The following PCDH9 variants were observed in gnomAD, a reference collection of about 807,000 sequenced individuals.
The protein encoded by PCDH9 is protocadherin-9.
PCDH9 carries 24 observed loss-of-function variants against 70.6 expected under a neutral mutation model. The observed-to-expected ratio is 0.34, with a 90% CI of 0.25 to 0.48. PCDH9 has a LOEUF of 0.48. Among genes scored for constraint, PCDH9 ranks in the 20% least tolerant of loss-of-function variants. The pLI is 0.99. For synonymous variants in PCDH9, 562 were observed against 558.5 expected, an observed-to-expected ratio of 1.01 and a Z score of -0.09; for missense variants, 1,281 against 1,503.6, an observed-to-expected ratio of 0.85 and a Z score of 2.45.
chr13:67,004,376 G>A (rs1051485726), intron 2 of PCDH9, among the ~76,000 whole-genome samples: 1 of 151,798 alleles, frequency 6.6e-6, no homozygotes, highest in African/African-American at 2.4e-5. Flanking sequence ...TTCGAGACCA[G>A]CCTGGCCAAC....
chr13:67,176,215 T>A (rs1233876667), intron 2 of PCDH9, among the ~76,000 whole-genome samples: 1 of 152,128 alleles, frequency 6.6e-6, no homozygotes, highest in African/African-American at 2.4e-5. Flanking sequence ...TTAAGATAGA[T>A]GAACTCAAAA....
At chr13:67,065,890 G>T (rs997173984) in intron 2 of PCDH9, among the ~76,000 whole-genome samples, 2 of 151,808 alleles carry the variant, frequency 1.3e-5, no homozygotes, top group Non-Finnish European at 2.9e-5. Flanking sequence ...CAATCACGGT[G>T]GGAAAGAAAA....
intron 2 of PCDH9, among the ~76,000 whole-genome samples, chr13:67,132,023 T>G (rs534384819): frequency 1.4e-4 from 21 of 152,280 alleles, no homozygotes; most frequent in Non-Finnish European, 2.8e-4. Flanking sequence ...GAATTTCTGC[T>G]GTTGTTATCA....
chr13:66,561,067 A>G (rs1056966997), intron 4 of PCDH9, among the ~76,000 whole-genome samples: 2 of 152,160 alleles, frequency 1.3e-5, no homozygotes, highest in African/African-American at 4.8e-5. Flanking sequence ...ATGTGGAGGG[A>G]GAAGCGCGGG....
chr13:66,795,574 A>G (rs2080228552), intron 3 of PCDH9, among the ~76,000 whole-genome samples: 1 of 152,120 alleles, frequency 6.6e-6, no homozygotes, highest in Non-Finnish European at 1.5e-5. Context: ...CTTCCTGATT[A>G]GGAGTAGTAT....
At chr13:67,101,460 T>C (rs993608783) in intron 2 of PCDH9, among the ~76,000 whole-genome samples, 3 of 152,204 alleles carry the variant, frequency 2.0e-5, no homozygotes, top group South Asian at 2.1e-4. Context: ...TAGTTGCCAG[T>C]GAAGTAGGAT....
At chr13:66,394,125 T>C (rs902478409) in intron 4 of PCDH9, among the ~76,000 whole-genome samples, 1 of 152,138 alleles carries the variant, frequency 6.6e-6, no homozygotes, top group East Asian at 1.9e-4. Flanking sequence ...CTACTGTGAT[T>C]ATGTAGACAG....
chr13:66,613,903 C>T (rs965588453), intron 4 of PCDH9, among the ~76,000 whole-genome samples: 1 of 152,076 alleles, frequency 6.6e-6, no homozygotes, highest in African/African-American at 2.4e-5. Flanking sequence ...TAGTAAAATG[C>T]AGGTCAGATG....
chr13:67,060,492 C>A (rs186379570), intron 2 of PCDH9, among the ~76,000 whole-genome samples: 278 of 152,110 alleles, frequency 1.8e-3, no homozygotes, highest in Middle Eastern at 0.017. Context: ...TCTTTGTTCT[C>A]ACCTGTCATA....
intron 2 of PCDH9, among the ~76,000 whole-genome samples, chr13:66,932,946 AAT>A (rs2139665403): frequency 6.6e-6 from 1 of 151,492 alleles, no homozygotes; most frequent in East Asian, 1.9e-4. Flanking sequence ...TATATTATGC[AAT>A]ATGTTAATAT....
At chr13:66,933,625 A>G (rs1439929900) in intron 2 of PCDH9, among the ~76,000 whole-genome samples, 3 of 152,158 alleles carry the variant, frequency 2.0e-5, no homozygotes, top group Non-Finnish European at 2.9e-5. Context: ...AGGGTAAGAG[A>G]TATTTTTAGT....
intron 3 of PCDH9, among the ~76,000 whole-genome samples, chr13:66,751,206 T>C (rs1224972103): frequency 2.0e-5 from 3 of 152,086 alleles, no homozygotes; most frequent in African/African-American, 7.2e-5. Context: ...AGACTGCAAT[T>C]GATCAAATTT....
At chr13:66,838,697 C>T (rs1014743874) in intron 3 of PCDH9, among the ~76,000 whole-genome samples, 5 of 151,952 alleles carry the variant, frequency 3.3e-5, no homozygotes, top group African/African-American at 1.2e-4. Flanking sequence ...GAGTTTATAG[C>T]CATGTCTTAT....
chr13:66,326,269 C>T (rs973317221), intron 4 of PCDH9, among the ~76,000 whole-genome samples: 4 of 152,022 alleles, frequency 2.6e-5, no homozygotes, highest in African/African-American at 9.7e-5. Flanking sequence ...GACTGTGTCT[C>T]CCCAGTATTC....
intron 4 of PCDH9, among the ~76,000 whole-genome samples, chr13:66,369,077 A>G (rs1305829278): frequency 6.6e-6 from 1 of 152,142 alleles, no homozygotes; most frequent in Non-Finnish European, 1.5e-5. Context: ...GAAAGTTCAA[A>G]GAGATTTTTC....
intron 4 of PCDH9, among the ~76,000 whole-genome samples, chr13:66,348,111 A>G (rs1479611473): frequency 1.3e-5 from 2 of 152,122 alleles, no homozygotes; most frequent in African/African-American, 4.8e-5. Context: ...TTAGTCTCTC[A>G]GAAATGATCT....
At chr13:66,346,001 G>A (rs577860063) in intron 4 of PCDH9, among the ~76,000 whole-genome samples, 6 of 152,198 alleles carry the variant, frequency 3.9e-5, no homozygotes, top group African/African-American at 9.6e-5. Flanking sequence ...ATAAATTAGT[G>A]TACTCTTTTC....
chr13:66,383,854 A>C (rs1957173086), intron 4 of PCDH9, among the ~76,000 whole-genome samples: 1 of 152,294 alleles, frequency 6.6e-6, no homozygotes, highest in Non-Finnish European at 1.5e-5. Context: ...TTATAGTAAA[A>C]TGTGTTAATT....
chr13:67,097,281 C>T (rs1257481143), intron 2 of PCDH9, among the ~76,000 whole-genome samples: 1 of 151,550 alleles, frequency 6.6e-6, no homozygotes, highest in East Asian at 1.9e-4. Flanking sequence ...AATTCAAAAT[C>T]GAAATAATTT....
Sources: gnomAD v4.1 joint callset for allele counts (sites outside exome capture counted in the v4.1 genomes callset) on GRCh38, gnomAD v4.1.1 for gene constraint, MANE v1.5 for transcripts, NCBI Gene and HGNC (gene_info 2026-07-23, HGNC 2026-07-21) for gene names.